The following KCNH7 variants were observed in gnomAD, a reference collection of about 807,000 sequenced individuals.
KCNH7 encodes voltage-gated inwardly rectifying potassium channel KCNH7.
A neutral mutation model predicts 120.8 loss-of-function variants in KCNH7; 49 were observed. The observed-to-expected ratio is 0.41, with a 90% CI of 0.32 to 0.51. The LOEUF is 0.51. Ranked by LOEUF, KCNH7 falls within the 20% of genes least tolerant of loss-of-function variation. The pLI, the probability that KCNH7 is intolerant of heterozygous loss-of-function variation, is 0.38. For synonymous variants in KCNH7, 547 were observed against 516.1 expected, an observed-to-expected ratio of 1.06 and a Z score of -0.81; for missense variants, 1,097 against 1,446.6, an observed-to-expected ratio of 0.76 and a Z score of 3.92.
chr2:162,622,406 C>CT (rs930876003), intron 2 of KCNH7, among the ~76,000 whole-genome samples: 2 of 152,130 alleles, frequency 1.3e-5, no homozygotes, highest in Admixed American at 1.3e-4. Context: ...CTATTTTGTT[C>CT]TTTTTTTATT....
At chr2:162,625,468 G>A (rs1051139329) in intron 2 of KCNH7, among the ~76,000 whole-genome samples, 1 of 152,158 alleles carries the variant, frequency 6.6e-6, no homozygotes, top group Non-Finnish European at 1.5e-5. Context: ...AGCTAGTAGG[G>A]GGTGAACAGA....
At chr2:162,593,577 A>G (rs1045137106) in intron 2 of KCNH7, among the ~76,000 whole-genome samples, 2 of 152,082 alleles carry the variant, frequency 1.3e-5, no homozygotes, top group Non-Finnish European at 2.9e-5. Flanking sequence ...TTGAAGCTGG[A>G]ATAGTGTAGG....
intron 2 of KCNH7, among the ~76,000 whole-genome samples, chr2:162,541,438 G>A (rs1306362596): frequency 6.6e-6 from 1 of 151,968 alleles, no homozygotes; most frequent in Non-Finnish European, 1.5e-5. Flanking sequence ...TGTGGAATCA[G>A]CCTAAATGCC....
intron 2 of KCNH7, among the ~76,000 whole-genome samples, chr2:162,739,930 A>G (rs144077829): frequency 6.6e-6 from 1 of 152,250 alleles, no homozygotes; most frequent in East Asian, 1.9e-4. Flanking sequence ...TCATTAAAGC[A>G]CTGTAAATGG....
chr2:162,827,072 C>T (rs988130842), intron 2 of KCNH7, among the ~76,000 whole-genome samples: 1 of 151,928 alleles, frequency 6.6e-6, no homozygotes, highest in Non-Finnish European at 1.5e-5. Flanking sequence ...AGGAGGAGCT[C>T]AGGGAAATAA....
At chr2:162,694,663 A>G (rs1170620971) in intron 2 of KCNH7, among the ~76,000 whole-genome samples, 2 of 152,184 alleles carry the variant, frequency 1.3e-5, no homozygotes, top group East Asian at 3.9e-4. Flanking sequence ...CAAAACTACT[A>G]AGAGGAGGTA....
intron 2 of KCNH7, among the ~76,000 whole-genome samples, chr2:162,568,584 A>AT (rs1312037971): frequency 6.6e-6 from 1 of 151,962 alleles, no homozygotes; most frequent in Non-Finnish European, 1.5e-5. Context: ...ATTAATACAC[A>AT]TTTTTTTCTT....
chr2:162,618,453 G>T (rs969853135), intron 2 of KCNH7, among the ~76,000 whole-genome samples: 1 of 151,852 alleles, frequency 6.6e-6, no homozygotes, highest in African/African-American at 2.4e-5. Context: ...ACACACATAC[G>T]TGCTTACATA....
At chr2:162,544,077 G>C (rs1166542263) in intron 2 of KCNH7, among the ~76,000 whole-genome samples, 1 of 152,062 alleles carries the variant, frequency 6.6e-6, no homozygotes, top group Non-Finnish European at 1.5e-5. Context: ...TAGGGGGAAG[G>C]CCCTTTTATC....
chr2:162,764,273 C>T lies in KCNH7; in HGVS notation c.307+72264G>A, dbSNP rs184984874. On this transcript the variant is annotated intron_variant, in intron 2 of 15. Coordinates refer to ENST00000332142, the MANE Select transcript of KCNH7 (RefSeq NM_033272.4). ...AGAAATAGCAGCAGCTACAAGAAGCCATCATGCTTTGATTTTATGGCTAGC... is the reference window on the plus strand; with the variant it reads ...AGAAATAGCAGCAGCTACAAGAAGCTATCATGCTTTGATTTTATGGCTAGC... Among the ~76,000 whole-genome samples the T allele has an allele frequency of 1.4e-3, 207 of 152,092 alleles. 2 individuals are homozygous for T. Among genetic ancestry groups the T allele is most frequent in the Admixed American group, 1.3e-3 (20 of 15,258 alleles).
chr2:162,471,704 C>A (rs1689538627), intron 6 of KCNH7, among the ~76,000 whole-genome samples: 1 of 152,150 alleles, frequency 6.6e-6, no homozygotes, highest in East Asian at 1.9e-4. Context: ...ATTAAGCTAC[C>A]AATGACTTTC....
intron 2 of KCNH7, among the ~76,000 whole-genome samples, chr2:162,594,235 ATTCC>A (rs3052185): frequency 0.62 from 94,122 of 151,228 alleles, 30,587 homozygotes; most frequent in African/African-American, 0.8. Context: ...ACCAGTAAGT[ATTCC>A]TTCCTTTGGA....
intron 5 of KCNH7, among the ~76,000 whole-genome samples, chr2:162,505,359 A>G (rs993604721): frequency 6.6e-6 from 1 of 151,950 alleles, no homozygotes; most frequent in East Asian, 1.9e-4. Context: ...TTCTGAGAAA[A>G]AAAAAAGGCG....
At chr2:162,824,355 A>C (rs1232634948) in intron 2 of KCNH7, among the ~76,000 whole-genome samples, 1 of 152,194 alleles carries the variant, frequency 6.6e-6, no homozygotes, top group Non-Finnish European at 1.5e-5. Context: ...AATAGATGCC[A>C]GCTAATAGGA....
chr2:162,421,298 A>G (rs1687701703), intron 9 of KCNH7, among the ~76,000 whole-genome samples: 1 of 152,154 alleles, frequency 6.6e-6, no homozygotes, highest in African/African-American at 2.4e-5. Flanking sequence ...ATTTATGACA[A>G]TTGTCTAATG....
intron 6 of KCNH7, among the ~76,000 whole-genome samples, chr2:162,490,089 T>C (rs561911040): frequency 6.6e-6 from 1 of 152,364 alleles, no homozygotes; most frequent in South Asian, 2.1e-4. Context: ...GCCAGCTTGC[T>C]TTAGGCAGAC....
intron 2 of KCNH7, among the ~76,000 whole-genome samples, chr2:162,769,166 G>C (rs1039266671): frequency 3.3e-5 from 5 of 152,130 alleles, no homozygotes; most frequent in Non-Finnish European, 7.4e-5. Context: ...GGTATTCTGT[G>C]ATCTACAAAG....
chr2:162,429,311 A>ACATTCATT (rs1482031909), intron 8 of KCNH7, among the ~76,000 whole-genome samples: 10 of 149,346 alleles, frequency 6.7e-5, no homozygotes, highest in African/African-American at 2.5e-4. Context: ...TAAAACCTGC[A>ACATTCATT]CATTCATTGA....
chr2:162,795,558 T>C (rs1377877232), intron 2 of KCNH7: 1 of 152,066 alleles, frequency 6.6e-6, no homozygotes, highest in African/African-American at 2.4e-5. Flanking sequence ...TTTGAAAATC[T>C]ATAGTTCCAA....
Sources: gnomAD v4.1 joint callset for allele counts (sites outside exome capture counted in the v4.1 genomes callset) on GRCh38, gnomAD v4.1.1 for gene constraint, MANE v1.5 for transcripts, NCBI Gene and HGNC (gene_info 2026-07-23, HGNC 2026-07-21) for gene names.